Variants in STK38L observed in about 807,000 individuals in gnomAD.
STK38L encodes the protein serine/threonine-protein kinase 38-like.
STK38L carries 28 observed loss-of-function variants against 59.7 expected under a neutral mutation model. The ratio of observed to expected loss-of-function variants is 0.47; its 90% CI spans 0.35 to 0.64. The LOEUF (loss-of-function observed/expected upper bound fraction) is 0.64, where lower values mean the gene tolerates loss of function less well. Among genes scored for constraint, STK38L ranks in the 30% least tolerant of loss-of-function variants. The pLI is 0.01. For missense variants in STK38L, 314 were observed against 555.8 expected, an observed-to-expected ratio of 0.56 and a Z score of 4.37; for synonymous variants, 162 against 176.8, an observed-to-expected ratio of 0.92 and a Z score of 0.66.
In STK38L at chr12:27,318,038, A is replaced by AGAG; in HGVS notation, c.1079+23_1079+25dup. On this transcript the variant is annotated intron_variant, in intron 11 of 13. Transcript: ENST00000389032. ...TTCTCAGGTTAGTGGTTAAATTCCT[A>AGAG]GAGGAGTTCATAGTGTCTTAAAACT... 1 of 1,613,042 alleles carries AGAG rather than the reference A, an allele frequency of 6.2e-7. No homozygotes were observed. Among genetic ancestry groups the AGAG allele is most frequent in the Non-Finnish European group, 8.5e-7 (1 of 1,179,704 alleles).
At position 27,325,695 on chromosome 12, in the gene STK38L, A is replaced by AAT. The variant is rs1944822758; in HGVS notation, c.*3243_*3244dup. ...GAAACAAACGCTTAGAACAAATATA[A>AAT]ATATGAGACACTTGGGACTACTAGA... On this transcript the variant is annotated 3_prime_UTR_variant, in exon 14 of 14. Coordinates refer to ENST00000389032, the MANE Select transcript of STK38L (RefSeq NM_015000.4). 1 of 152,232 alleles carries AAT rather than the reference A, an allele frequency of 6.6e-6. No homozygotes were observed. The highest frequency in any genetic ancestry group is 6.5e-5 in the Admixed American group (1 of 15,286). 9.4% of individuals were successfully genotyped at this position (152,232 alleles called of 1,614,324 possible). A position where few individuals can be genotyped will look rare whatever the true frequency, so the allele number is the denominator to read the frequency against.
rs764195341 is a variant in STK38L at position 27,315,118 on chromosome 12, G to GT, written c.775+2dup. On this transcript the variant is annotated splice_donor_variant, in intron 8 of 13. Transcript: ENST00000389032. LOFTEE classifies it high-confidence loss of function. ...ACACACAACCCACCAAGTGACTTCT[G>GT]TAAGTTTGGTTGTTGTTTTTCTTCT... 6.2e-7 allele frequency: 1 copy of GT among 1,612,236 alleles called. No individual in the cohort carries two copies. Among genetic ancestry groups the GT allele is most frequent in the Admixed American group, 1.7e-5 (1 of 59,928 alleles).
At chr12:27,270,521 G>C (rs1270916442) in intron 1 of STK38L, among the ~76,000 whole-genome samples, 1 of 152,112 alleles carries the variant, frequency 6.6e-6, no homozygotes, top group East Asian at 1.9e-4. Flanking sequence ...GGGATTACAG[G>C]TGTATGCCAC....
chr12:27,295,695 G>A (rs975315386), intron 1 of STK38L, among the ~76,000 whole-genome samples: 2 of 152,118 alleles, frequency 1.3e-5, no homozygotes, highest in Non-Finnish European at 2.9e-5. Flanking sequence ...TGTTAGGGCC[G>A]AATTTTTCTT....
intron 1 of STK38L, among the ~76,000 whole-genome samples, chr12:27,248,053 GATC>G (rs1942894724): frequency 6.6e-6 from 1 of 152,108 alleles, no homozygotes; most frequent in Non-Finnish European, 1.5e-5. Flanking sequence ...TGGCTCAAGT[GATC>G]CTCCTGCCTT....
chr12:27,322,564 A>G lies in STK38L; in HGVS notation c.*109A>G. Reference sequence around the variant, plus strand: ...AATACTCCTGAAGATGGTGGTGCTTATTGACTACAAGAGGAAATTCTACAG... The same window carrying G: ...AATACTCCTGAAGATGGTGGTGCTTGTTGACTACAAGAGGAAATTCTACAG... On this transcript the variant is annotated 3_prime_UTR_variant, in exon 14 of 14. Transcript: ENST00000389032. 5 of 1,419,556 alleles carry G rather than the reference A, an allele frequency of 3.5e-6. No individual in the cohort carries two copies. Among genetic ancestry groups the G allele is most frequent in the Non-Finnish European group, 4.7e-6 (5 of 1,071,288 alleles). The allele number at this position is 1,419,556 out of a possible 1,614,324, so 87.9% of individuals were successfully genotyped here.
At chr12:27,274,908 C>A (rs979101433) in intron 1 of STK38L, among the ~76,000 whole-genome samples, 2 of 152,190 alleles carry the variant, frequency 1.3e-5, no homozygotes, top group African/African-American at 4.8e-5. Flanking sequence ...TCAGTCATAT[C>A]CTGCTAGACC....
intron 3 of STK38L, among the ~76,000 whole-genome samples, chr12:27,306,114 G>T (rs557590993): frequency 6.6e-6 from 1 of 152,118 alleles, no homozygotes; most frequent in Non-Finnish European, 1.5e-5. Context: ...AGAATTATGT[G>T]TTCCATACAC....
chr12:27,247,078 G>T (rs576132957), intron 1 of STK38L, among the ~76,000 whole-genome samples: 1 of 152,220 alleles, frequency 6.6e-6, no homozygotes, highest in Non-Finnish European at 1.5e-5. Flanking sequence ...CGTTTCTGTG[G>T]ATGATTTAAG....
chr12:27,274,111 G>C lies in STK38L; in HGVS notation c.-11-23599G>C, dbSNP rs1943481411. 2.6e-5 allele frequency among the ~76,000 whole-genome samples: 4 copies of C among 151,952 alleles called. No homozygotes were observed. The South Asian group carries it at 8.3e-4, about 32-fold the overall frequency. On this transcript the variant is annotated intron_variant, in intron 1 of 13. Coordinates refer to ENST00000389032, the MANE Select transcript of STK38L (RefSeq NM_015000.4). ...CTACTAAAAATACAAAAATTAGCTG[G>C]GCGTAGTGGTGCACACCGGTAATCC... is the stretch of plus-strand genomic sequence containing the variant.
At chr12:27,268,553 A>G (rs961062356) in intron 1 of STK38L, among the ~76,000 whole-genome samples, 1 of 152,192 alleles carries the variant, frequency 6.6e-6, no homozygotes, top group Admixed American at 6.5e-5. Flanking sequence ...AGTCTTTGTT[A>G]TTGTGAATAG....
intron 1 of STK38L, among the ~76,000 whole-genome samples, chr12:27,285,921 A>G (rs1943761192): frequency 6.6e-6 from 1 of 152,166 alleles, no homozygotes; most frequent in Non-Finnish European, 1.5e-5. Flanking sequence ...TGGTTTTGAT[A>G]TGGTCCTTTC....
intron 1 of STK38L, among the ~76,000 whole-genome samples, chr12:27,279,648 A>C (rs1356284166): frequency 6.7e-6 from 1 of 149,038 alleles, no homozygotes; most frequent in Admixed American, 6.7e-5. Context: ...AATTACTTGA[A>C]CCCAGGAGGC....
Position 27,297,770 on chromosome 12 carries a change from C to G in STK38L, c.50C>G (p.Thr17Ser). Reference sequence around the variant, plus strand: ...ACAACCTTTCCTATGAGCAACCATACCCGGGAAAGAGTGACTGTAGCCAAG... The same window carrying G: ...ACAACCTTTCCTATGAGCAACCATAGCCGGGAAAGAGTGACTGTAGCCAAG... Reference protein sequence around the residue: ...TTTTFPMSNHTRERVTVAKLT... With the variant: ...TTTTFPMSNHSRERVTVAKLT... Residue 17 changes from threonine (T) to serine (S), a missense_variant, in exon 2 of 14, where the codon ACC becomes AGC. By Grantham distance (58) the Thr-to-Ser change is moderately conservative. Coordinates refer to ENST00000389032, the MANE Select transcript of STK38L (RefSeq NM_015000.4). 6.2e-7 allele frequency: 1 copy of G among 1,613,982 alleles called. No individual in the cohort carries two copies. The highest frequency in any genetic ancestry group is 8.5e-7 in the Non-Finnish European group (1 of 1,179,946).
intron 1 of STK38L, among the ~76,000 whole-genome samples, chr12:27,287,571 A>G (rs1483412910): frequency 6.6e-6 from 1 of 152,210 alleles, no homozygotes; most frequent in Admixed American, 6.5e-5. Context: ...AAGAAAGCTC[A>G]TTCCTTCCAA....
intron 3 of STK38L, among the ~76,000 whole-genome samples, chr12:27,304,258 CAAAAAA>C (rs34994566): frequency 1.6e-5 from 1 of 62,862 alleles, no homozygotes; most frequent in Non-Finnish European, 3.1e-5. Flanking sequence ...GAGTCTGTCT[CAAAAAA>C]AAAAAAAAAA....
At chr12:27,269,607 A>G (rs1464615766) in intron 1 of STK38L, among the ~76,000 whole-genome samples, 1 of 152,040 alleles carries the variant, frequency 6.6e-6, no homozygotes, top group African/African-American at 2.4e-5. Flanking sequence ...TGACATATTC[A>G]TGTTGCATAT....
At chr12:27,320,442 A>ATTTTTTTTTTTTTTTTTTTTTTTTTTT in intron 12 of STK38L, among the ~76,000 whole-genome samples, 1 of 91,902 alleles carries the variant, frequency 1.1e-5, no homozygotes, top group Non-Finnish European at 2.0e-5. Flanking sequence ...AATTTTGTTG[A>ATTTTTTTTTTTTTTTTTTTTTTTTTTT]TTTTTTTTTT....
intron 11 of STK38L, 120 bp from the exon 12 acceptor site, chr12:27,319,208 A>G (rs1944664705): frequency 3.2e-6 from 2 of 625,404 alleles, no homozygotes; most frequent in South Asian, 2.4e-5. Context: ...CAATAAACAT[A>G]GTTAACATCA....
Sources: gnomAD v4.1 joint callset for allele counts (sites outside exome capture counted in the v4.1 genomes callset) on GRCh38, gnomAD v4.1.1 for gene constraint, MANE v1.5 for transcripts, NCBI Gene and HGNC (gene_info 2026-07-23, HGNC 2026-07-21) for gene names.